Variants in OSBPL3 observed in about 807,000 individuals in gnomAD.
OSBPL3 encodes the protein oxysterol-binding protein-related protein 3.
OSBPL3 carries 65 observed loss-of-function variants against 120.1 expected under a neutral mutation model. The ratio of observed to expected loss-of-function variants is 0.54; its 90% CI spans 0.44 to 0.67. OSBPL3 has a LOEUF of 0.67. OSBPL3 is among the 30% of genes least tolerant of loss of function. The pLI is 0.00. For synonymous variants in OSBPL3, 416 were observed against 402.6 expected, an observed-to-expected ratio of 1.03 and a Z score of -0.40; for missense variants, 1,004 against 1,082.1, an observed-to-expected ratio of 0.93 and a Z score of 1.01.
Position 24,817,670 on chromosome 7 carries a change from G to C in OSBPL3, c.1949-982C>G, listed in dbSNP as rs865843944. On this transcript the variant is annotated intron_variant, in intron 17 of 22. Coordinates refer to ENST00000313367, the MANE Select transcript of OSBPL3 (RefSeq NM_015550.4). This position sits in a 1 kb window ranked among gnomAD's most constrained non-coding sequence, Gnocchi z 4.0. ...TATGGAGAATGGAACAGGAGTAGGA[G>C]AGAGGAGAAGCAAGGCGACAAGTTA... 9.9e-5 allele frequency among the ~76,000 whole-genome samples: 15 copies of C among 152,210 alleles called. No homozygotes were observed. The highest frequency in any genetic ancestry group is 3.6e-4 in the African/African-American group (15 of 41,428).
chr7:24,815,014 C>T lies in OSBPL3; in HGVS notation c.2172+45G>A. ...CCTGTGCTCTGGGGCCCTGGCTCTG[C>T]CACAGCCCTTCCAGGGTCAGAGCTC... is the stretch of plus-strand genomic sequence containing the variant. On this transcript the variant is annotated intron_variant, in intron 19 of 22. Coordinates refer to ENST00000313367, the MANE Select transcript of OSBPL3 (RefSeq NM_015550.4). The surrounding 1 kb of genome is among the most constrained non-coding windows in gnomAD (Gnocchi z 5.1). The T allele has an allele frequency of 6.2e-7, 1 of 1,601,674 alleles. No homozygotes were observed. The highest frequency in any genetic ancestry group is 8.5e-7 in the Non-Finnish European group (1 of 1,169,608).
At chr7:24,884,272 C>T (rs1479236898) in intron 2 of OSBPL3, among the ~76,000 whole-genome samples, 2 of 152,098 alleles carry the variant, frequency 1.3e-5, no homozygotes, top group Non-Finnish European at 2.9e-5. Flanking sequence ...CTAAAGAAAC[C>T]CAGTGCTCTC....
intron 12 of OSBPL3, among the ~76,000 whole-genome samples, chr7:24,846,821 T>G (rs1056366394): frequency 8.5e-5 from 13 of 152,090 alleles, no homozygotes; most frequent in African/African-American, 3.1e-4. Flanking sequence ...TCCCAGCACT[T>G]TGGGAGGCCG....
Position 24,899,544 on chromosome 7 carries a change from C to A in OSBPL3, c.-149-6923G>T, listed in dbSNP as rs1234278005. ...CCCATGTCAAGATATTTCTGGAGAC[C>A]AATGGTCACTGGCTGACTTCTTTGT... On this transcript the variant is annotated intron_variant, in intron 1 of 22. Transcript: ENST00000313367. The surrounding 1 kb of genome is among the most constrained non-coding windows in gnomAD (Gnocchi z 4.0). Among the ~76,000 whole-genome samples, 1 of 151,872 alleles carries A rather than the reference C, an allele frequency of 6.6e-6. No individual in the cohort carries two copies. The highest frequency in any genetic ancestry group is 1.9e-4 in the East Asian group (1 of 5,194).
intron 1 of OSBPL3, chr7:24,906,271 G>A (rs926021580): frequency 3.8e-6 from 1 of 265,696 alleles, no homozygotes; most frequent in South Asian, 3.7e-5. Flanking sequence ...ATCCCAGGAG[G>A]AGGAGAACCC....
At position 24,872,271 on chromosome 7, in the gene OSBPL3, GTTTT is replaced by G. The variant is rs1802234580; in HGVS notation, c.97-206_97-203del. ...TATAATTTAGTGGCATCAAATTTTGGTTTTTTTAAAGCTCTTTTTTTTTTAGAAG... is the reference window on the plus strand; with the variant it reads ...TATAATTTAGTGGCATCAAATTTTGGTTTAAAGCTCTTTTTTTTTTAGAAG... On this transcript the variant is annotated intron_variant, in intron 2 of 22. Transcript: ENST00000313367. This position sits in a 1 kb window ranked among gnomAD's most constrained non-coding sequence, Gnocchi z 4.1. Among the ~76,000 whole-genome samples the G allele has an allele frequency of 1.3e-5, 2 of 151,816 alleles. No homozygotes were observed. Among genetic ancestry groups the G allele is most frequent in the African/African-American group, 2.4e-5 (1 of 41,428 alleles).
At position 24,842,306 on chromosome 7, in the gene OSBPL3, C is replaced by T. The variant is rs1797879874; in HGVS notation, c.1374G>A (p.Leu458=). ...CGTTTTCTGAAGAGCTTGGAGATAA[C>T]AGAACTTCCTGAGCATCAAAAAACT... The part of the protein sequence containing the change: ...LSEFFDAQEV[L]LSPSSSENEI... Residue 458 remains leucine, a synonymous_variant, in exon 13 of 23, where the codon CTG becomes CTA. Coordinates refer to ENST00000313367, the MANE Select transcript of OSBPL3 (RefSeq NM_015550.4). 6.2e-7 allele frequency: 1 copy of T among 1,613,496 alleles called. No homozygotes were observed. The highest frequency in any genetic ancestry group is 1.3e-5 in the African/African-American group (1 of 74,888).
At chr7:24,904,946 TGTGTGTGTGTGTGTGA>T (rs1171655419) in intron 1 of OSBPL3, among the ~76,000 whole-genome samples, 1 of 151,144 alleles carries the variant, frequency 6.6e-6, no homozygotes. Context: ...TGTGTGTGTG[TGTGTGTGTGTGTGTGA>T]ATAAAGTTAA....
At chr7:24,944,954 T>C (rs928596824) in intron 1 of OSBPL3, among the ~76,000 whole-genome samples, 2 of 152,178 alleles carry the variant, frequency 1.3e-5, no homozygotes, top group African/African-American at 4.8e-5. Flanking sequence ...TCCTGATAGA[T>C]TCCATGACTA....
Position 24,867,080 on chromosome 7 carries a change from G to A in OSBPL3, c.382-843C>T, listed in dbSNP as rs766716721. 2.6e-5 allele frequency among the ~76,000 whole-genome samples: 4 copies of A among 152,186 alleles called. No homozygotes were observed. The highest frequency in any genetic ancestry group is 4.4e-5 in the Non-Finnish European group (3 of 68,030). ...CTCCCAAAGTGCTGGGATTACAGGCGTGAGCCACCACACCTGGCCTGTTAT... is the reference window on the plus strand; with the variant it reads ...CTCCCAAAGTGCTGGGATTACAGGCATGAGCCACCACACCTGGCCTGTTAT... On this transcript the variant is annotated intron_variant, in intron 5 of 22. Coordinates refer to ENST00000313367, the MANE Select transcript of OSBPL3 (RefSeq NM_015550.4). This position sits in a 1 kb window ranked among gnomAD's most constrained non-coding sequence, Gnocchi z 4.5.
intron 1 of OSBPL3, among the ~76,000 whole-genome samples, chr7:24,975,559 G>A (rs1817489223): frequency 6.6e-6 from 1 of 152,106 alleles, no homozygotes; most frequent in African/African-American, 2.4e-5. Flanking sequence ...ACTATAGATA[G>A]GACACCATGT....
intron 1 of OSBPL3, among the ~76,000 whole-genome samples, chr7:24,970,400 T>G (rs1816875072): frequency 6.6e-6 from 1 of 152,112 alleles, no homozygotes; most frequent in Admixed American, 6.6e-5. Context: ...GCCATCGCAC[T>G]CAGCCCCTTC....
chr7:24,937,152 C>T lies in OSBPL3; in HGVS notation c.-150+42734G>A, dbSNP rs1016029390. On this transcript the variant is annotated intron_variant, in intron 1 of 22. Coordinates refer to ENST00000313367, the MANE Select transcript of OSBPL3 (RefSeq NM_015550.4). The surrounding 1 kb of genome is among the most constrained non-coding windows in gnomAD (Gnocchi z 4.0). ...CTTCACATGGCGGCAGGAGAAATGC[C>T]GAGCAAAAGGGGGAAAAGGCCCTTA... Among the ~76,000 whole-genome samples, 3 of 152,052 alleles carry T rather than the reference C, an allele frequency of 2.0e-5. No individual in the cohort carries two copies. The highest frequency in any genetic ancestry group is 2.1e-4 in the South Asian group (1 of 4,818).
chr7:24,956,218 TGCAAAGCCTGCCCCAGG>T (rs1357206632), intron 1 of OSBPL3, among the ~76,000 whole-genome samples: 11 of 152,374 alleles, frequency 7.2e-5, no homozygotes, highest in South Asian at 2.1e-4. Flanking sequence ...ACTGAAATAC[TGCAAAGCCTGCCCCAGG>T]GCAAAGCCTG....
intron 1 of OSBPL3, among the ~76,000 whole-genome samples, chr7:24,960,290 T>C: frequency 6.6e-6 from 1 of 152,150 alleles, no homozygotes; most frequent in East Asian, 1.9e-4. Flanking sequence ...ATTCTCATAA[T>C]ACAAAGGCAT....
chr7:24,816,006 G>A (rs967772716), intron 18 of OSBPL3, among the ~76,000 whole-genome samples: 3 of 152,180 alleles, frequency 2.0e-5, no homozygotes, highest in Non-Finnish European at 4.4e-5. Context: ...TAGCAAAGCA[G>A]CATAATAAAG....
rs564547155 is a variant in OSBPL3 at position 24,849,779 on chromosome 7, C to A, written c.1159-603G>T. ...GAACAGCCTGGCCAACATGGTGAAACCCCATCTCTACCAAAAAATGCAAAA... is the reference window on the plus strand; with the variant it reads ...GAACAGCCTGGCCAACATGGTGAAAACCCATCTCTACCAAAAAATGCAAAA... On this transcript the variant is annotated intron_variant, in intron 11 of 22. Transcript: ENST00000313367. This position sits in a 1 kb window ranked among gnomAD's most constrained non-coding sequence, Gnocchi z 5.4. Among the ~76,000 whole-genome samples, 1 of 151,982 alleles carries A rather than the reference C, an allele frequency of 6.6e-6. No individual in the cohort carries two copies. Among genetic ancestry groups the A allele is most frequent in the East Asian group, 1.9e-4 (1 of 5,166 alleles).
intron 1 of OSBPL3, among the ~76,000 whole-genome samples, chr7:24,928,306 C>T (rs1248205680): frequency 2.0e-5 from 3 of 151,948 alleles, no homozygotes; most frequent in Admixed American, 2.0e-4. Flanking sequence ...ATTCTCCTGC[C>T]TCAGCCTCCC....
rs998192412 is a variant in OSBPL3 at position 24,854,315 on chromosome 7, G to C, written c.1028-1681C>G. On this transcript the variant is annotated intron_variant, in intron 10 of 22. Transcript: ENST00000313367. The surrounding 1 kb of genome is among the most constrained non-coding windows in gnomAD (Gnocchi z 4.1). Reference sequence around the variant, plus strand: ...ACAGGGCTGCATTTTTAGAGGTATTGTTATTCAAGAGTGGGCTATTTAGTA... The same window carrying C: ...ACAGGGCTGCATTTTTAGAGGTATTCTTATTCAAGAGTGGGCTATTTAGTA... 6.6e-6 allele frequency among the ~76,000 whole-genome samples: 1 copy of C among 152,146 alleles called. No individual in the cohort carries two copies. Among genetic ancestry groups the C allele is most frequent in the Non-Finnish European group, 1.5e-5 (1 of 68,020 alleles).
Sources: gnomAD v4.1 joint callset for allele counts (sites outside exome capture counted in the v4.1 genomes callset) on GRCh38, gnomAD v4.1.1 for gene constraint, Gnocchi (gnomAD v3.1) non-coding constraint, MANE v1.5 for transcripts, NCBI Gene and HGNC (gene_info 2026-07-23, HGNC 2026-07-21) for gene names.